Variants in ADAMTS4 observed in about 807,000 individuals in gnomAD.
ADAMTS4 encodes the protein A disintegrin and metalloproteinase with thrombospondin motifs 4.
ADAMTS4 carries 38 observed loss-of-function variants against 66.7 expected under a neutral mutation model. The observed-to-expected ratio is 0.57, with a 90% CI of 0.44 to 0.75. The LOEUF is 0.75. Ranked by LOEUF, ADAMTS4 falls within the 30% of genes least tolerant of loss-of-function variation. ADAMTS4 has a pLI of 0.00. For missense variants in ADAMTS4, 1,014 were observed against 1,116.7 expected, an observed-to-expected ratio of 0.91 and a Z score of 1.31; for synonymous variants, 418 against 461.5, an observed-to-expected ratio of 0.91 and a Z score of 1.21.
Position 161,194,351 on chromosome 1 carries a change from T to A in ADAMTS4, c.1262-130A>T. ...ACAATCCTAGGACTATAAGAGGATT[T>A]AAATTTTTGTTATTTATAATTTTTA... On this transcript the variant is annotated intron_variant, in intron 4 of 8. Coordinates refer to ENST00000367996, the MANE Select transcript of ADAMTS4 (RefSeq NM_005099.6). The surrounding 1 kb of genome is among the most constrained non-coding windows in gnomAD (Gnocchi z 4.1). The A allele has an allele frequency of 1.3e-6, 1 of 748,484 alleles. No individual in the cohort carries two copies. Among genetic ancestry groups the A allele is most frequent in the Non-Finnish European group, 2.0e-6 (1 of 495,938 alleles). 46.4% of individuals were successfully genotyped at this position (748,484 alleles called of 1,614,324 possible).
At position 161,198,722 on chromosome 1, in the gene ADAMTS4, G is replaced by C; in HGVS notation, c.-95C>G. ...GAAAGCTCCTCTCTGTAGCCTGGGG[G>C]CTTGGACTCCTGCCAAGGTCAGAGG... On this transcript the variant is annotated 5_prime_UTR_variant, in exon 1 of 9. Transcript: ENST00000367996. The surrounding 1 kb of genome is among the most constrained non-coding windows in gnomAD (Gnocchi z 4.7). 8.2e-7 allele frequency: 1 copy of C among 1,222,084 alleles called. No individual in the cohort carries two copies. The highest frequency in any genetic ancestry group is 1.1e-6 in the Non-Finnish European group (1 of 905,206). The allele number at this position is 1,222,084 out of a possible 1,614,324, so 75.7% of individuals were successfully genotyped here.
intron 3 of ADAMTS4, 34 bp from the exon 4 acceptor site, chr1:161,195,669 G>T (rs1664801139): frequency 6.3e-7 from 1 of 1,579,208 alleles, no homozygotes. Context: ...GGATCTGAGG[G>T]TCCCTTCCCC....
rs1169469545 is a variant in ADAMTS4 at position 161,188,908 on chromosome 1, A to ATATATATATATATATATATATATC, written c.*2229_*2230insGATATATATATATATATATATATA. 7.6e-6 allele frequency: 1 copy of ATATATATATATATATATATATATC among 131,866 alleles called. No homozygotes were observed. 8.2% of individuals were successfully genotyped at this position (131,866 alleles called of 1,614,324 possible). On this transcript the variant is annotated 3_prime_UTR_variant, in exon 9 of 9. Coordinates refer to ENST00000367996, the MANE Select transcript of ADAMTS4 (RefSeq NM_005099.6). ...AATATATATATATATATATATATAT[A>ATATATATATATATATATATATATC]TTTTGTATTTTTAGTAGACACGGGG... is the stretch of plus-strand genomic sequence containing the variant.
chr1:161,185,075 A>G lies in ADAMTS4; in HGVS notation c.*6063T>C, dbSNP rs1664517728. 1 of 151,094 alleles carries G rather than the reference A, an allele frequency of 6.6e-6. No homozygotes were observed. The highest frequency in any genetic ancestry group is 2.4e-5 in the African/African-American group (1 of 41,012). The allele number at this position is 151,094 out of a possible 1,614,324, so 9.4% of individuals were successfully genotyped here. On this transcript the variant is annotated 3_prime_UTR_variant, in exon 9 of 9. Coordinates refer to ENST00000367996, the MANE Select transcript of ADAMTS4 (RefSeq NM_005099.6). ...GGGGGGAGGGGGGAGGGATAGCATTAGGAGATATACCTAATGCTAAATGAT... is the reference window on the plus strand; with the variant it reads ...GGGGGGAGGGGGGAGGGATAGCATTGGGAGATATACCTAATGCTAAATGAT...
At position 161,196,767 on chromosome 1, in the gene ADAMTS4, T is replaced by C; in HGVS notation, c.747A>G (p.Ala249=). Residue 249 remains alanine, a synonymous_variant, in exon 2 of 9, where the codon GCA becomes GCG. Transcript: ENST00000367996. ...TGCTTGGGTGCTTGAAGGCCTTGGC[T>C]GCTGCTGCCATCACTGTTAGCAGGT... ...KRYLLTVMAA[A]AKAFKHPSIR... 6.2e-7 allele frequency: 1 copy of C among 1,613,192 alleles called. No homozygotes were observed. The highest frequency in any genetic ancestry group is 1.3e-5 in the African/African-American group (1 of 75,054).
At position 161,195,974 on chromosome 1, in the gene ADAMTS4, C is replaced by T. The variant is rs145704933; in HGVS notation, c.1090+197G>A. On this transcript the variant is annotated intron_variant, in intron 3 of 8. Coordinates refer to ENST00000367996, the MANE Select transcript of ADAMTS4 (RefSeq NM_005099.6). The stretch of plus-strand genomic sequence containing the variant: ...ACACACACACACACAGAGGAGTTCA[C>T]AGTAGTTTCGACCAACTAATTTATT... 1,743 of 619,960 alleles carry T rather than the reference C, an allele frequency of 2.8e-3. 5 individuals carry two copies. Among genetic ancestry groups the T allele is most frequent in the Admixed American group, 8.9e-3 (261 of 29,374 alleles). The allele number at this position is 619,960 out of a possible 1,614,324, so 38.4% of individuals were successfully genotyped here.
rs1664733720 is a variant in ADAMTS4, at chr1:161,193,572, C to T, written c.1735+68G>A. ...GGGAATCAACACCCCCTTGGTCTTGCACTCAAGGGACAGTCCTTCCTGCTC... is the reference window on the plus strand; with the variant it reads ...GGGAATCAACACCCCCTTGGTCTTGTACTCAAGGGACAGTCCTTCCTGCTC... On this transcript the variant is annotated intron_variant, in intron 6 of 8. Coordinates refer to ENST00000367996, the MANE Select transcript of ADAMTS4 (RefSeq NM_005099.6). The surrounding 1 kb of genome is among the most constrained non-coding windows in gnomAD (Gnocchi z 4.4). The T allele has an allele frequency of 6.5e-7, 1 of 1,543,080 alleles. No individual in the cohort carries two copies. Among genetic ancestry groups the T allele is most frequent in the Non-Finnish European group, 8.8e-7 (1 of 1,140,824 alleles).
chr1:161,191,109 G>A lies in ADAMTS4; in HGVS notation c.*29C>T. 1 of 1,515,986 alleles carries A rather than the reference G, an allele frequency of 6.6e-7. No individual in the cohort carries two copies. Among genetic ancestry groups the A allele is most frequent in the Non-Finnish European group, 8.8e-7 (1 of 1,132,494 alleles). 93.9% of individuals were successfully genotyped at this position (1,515,986 alleles called of 1,614,324 possible). A position where few individuals can be genotyped will look rare whatever the true frequency, so the allele number is the denominator to read the frequency against. On this transcript the variant is annotated 3_prime_UTR_variant, in exon 9 of 9. Transcript: ENST00000367996. ...TCCCAGCTAAGTCCGAGGCCCCGGT[G>A]CCCAGAAAGGGCAGCCGGGATAGTG...
At position 161,198,115 on chromosome 1, in the gene ADAMTS4, GT is replaced by G; in HGVS notation, c.512del (p.Asn171ThrfsTer46). 1.9e-6 allele frequency: 3 copies of G among 1,614,000 alleles called. No homozygotes were observed. In the South Asian group the frequency reaches 3.3e-5, roughly 18 times the overall value. ...HLQPLEGGTP[N>X]SAGGPGAHIL... ...TGTGAGCCCCAGGTCCCCCAGCAGA[GT>G]TAGGGGTGCCTCCCTCCAGGGGCTG... On this transcript the variant is annotated frameshift_variant, in exon 1 of 9. Coordinates refer to ENST00000367996, the MANE Select transcript of ADAMTS4 (RefSeq NM_005099.6). LOFTEE classifies it high-confidence loss of function. This position sits in a 1 kb window ranked among gnomAD's most constrained non-coding sequence, Gnocchi z 4.7.
chr1:161,192,619 G>A lies in ADAMTS4; in HGVS notation c.1912-379C>T, dbSNP rs139600387. Among the ~76,000 whole-genome samples the A allele has an allele frequency of 1.1e-4, 16 of 152,240 alleles. 1 individual carries two copies. The East Asian group carries it at 3.1e-3, about 29-fold the overall frequency. ...GCAAGCAGAGGAGCCAAGATGGGAAGTGCAGTCTGTCTGGTCCCAGCACCA... is the reference window on the plus strand; with the variant it reads ...GCAAGCAGAGGAGCCAAGATGGGAAATGCAGTCTGTCTGGTCCCAGCACCA... On this transcript the variant is annotated intron_variant, in intron 7 of 8. Coordinates refer to ENST00000367996, the MANE Select transcript of ADAMTS4 (RefSeq NM_005099.6).
chr1:161,195,822 C>T, intron 3 of ADAMTS4, 187 bp from the exon 4 acceptor site: 1 of 615,476 alleles, frequency 1.6e-6, no homozygotes, highest in South Asian at 2.3e-5. Flanking sequence ...TCTGTCTCCT[C>T]TTCCCCAAAA....
Position 161,184,512 on chromosome 1 carries a change from T to A in ADAMTS4, c.*6626A>T, listed in dbSNP as rs1195229059. 1 of 152,226 alleles carries A rather than the reference T, an allele frequency of 6.6e-6. No homozygotes were observed. Among genetic ancestry groups the A allele is most frequent in the Admixed American group, 6.5e-5 (1 of 15,284 alleles). 9.4% of individuals were successfully genotyped at this position (152,226 alleles called of 1,614,324 possible). A position where few individuals can be genotyped will look rare whatever the true frequency, so the allele number is the denominator to read the frequency against. On this transcript the variant is annotated 3_prime_UTR_variant, in exon 9 of 9. Transcript: ENST00000367996. ...GTAAGTAGCAAGGCTTAGATTCAAT[T>A]TGACTCCAAAAATCCATGTCCTTTC...
Position 161,193,135 on chromosome 1 carries a change from C to G in ADAMTS4, c.1911+78G>C. 2 of 1,468,688 alleles carry G rather than the reference C, an allele frequency of 1.4e-6. No individual in the cohort carries two copies. The highest frequency in any genetic ancestry group is 1.8e-6 in the Non-Finnish European group (2 of 1,095,044). 91.0% of individuals were successfully genotyped at this position (1,468,688 alleles called of 1,614,324 possible). Reference sequence around the variant, plus strand: ...TAGGAACAGGGTTACTTTGGGTGATCTTTGTTATCAGAAAGCAGAGGGAGC... The same window carrying G: ...TAGGAACAGGGTTACTTTGGGTGATGTTTGTTATCAGAAAGCAGAGGGAGC... On this transcript the variant is annotated intron_variant, in intron 7 of 8. Coordinates refer to ENST00000367996, the MANE Select transcript of ADAMTS4 (RefSeq NM_005099.6). The surrounding 1 kb of genome is among the most constrained non-coding windows in gnomAD (Gnocchi z 4.4).
Position 161,191,194 on chromosome 1 carries a change from G to C in ADAMTS4, c.2458C>G (p.Arg820Gly), listed in dbSNP as rs1478612729. ...AGGATCTCCAGAATCTGTGCTCTTCGGTGCAGCCAGTCCTGGGGAGTGGGG... is the reference window on the plus strand; with the variant it reads ...AGGATCTCCAGAATCTGTGCTCTTCCGTGCAGCCAGTCCTGGGGAGTGGGG... ...PRPTPQDWLH[R>G]RAQILEILRR... The change falls in exon 9 of 9, where the codon CGA (arginine) becomes GGA (glycine). Residue 820 changes from arginine (R) to glycine (G), a missense_variant. Physicochemically the swap from Arg to Gly is moderately radical, Grantham distance 125. Coordinates refer to ENST00000367996, the MANE Select transcript of ADAMTS4 (RefSeq NM_005099.6). 1 of 1,598,456 alleles carries C rather than the reference G, an allele frequency of 6.3e-7. No individual in the cohort carries two copies. The highest frequency in any genetic ancestry group is 1.1e-5 in the South Asian group (1 of 90,378).
Position 161,198,615 on chromosome 1 carries a change from C to T in ADAMTS4, c.13G>A (p.Gly5Ser). Reference protein sequence around the residue: MSQTGSHPGRGLAGR... With the variant: MSQTSSHPGRGLAGR... Reference sequence around the variant, plus strand: ...GCCAAGCCCCTCCCGGGATGCGAGCCTGTCTGGGACATGGCACTGGTACTG... The same window carrying T: ...GCCAAGCCCCTCCCGGGATGCGAGCTTGTCTGGGACATGGCACTGGTACTG... The change falls in exon 1 of 9, where the codon GGC (glycine) becomes AGC (serine). Residue 5 changes from glycine (G) to serine (S), a missense_variant. Coordinates refer to ENST00000367996, the MANE Select transcript of ADAMTS4 (RefSeq NM_005099.6). This position sits in a 1 kb window ranked among gnomAD's most constrained non-coding sequence, Gnocchi z 4.7. 6.6e-7 allele frequency: 1 copy of T among 1,523,400 alleles called. No homozygotes were observed. Among genetic ancestry groups the T allele is most frequent in the Admixed American group, 2.0e-5 (1 of 49,336 alleles). 94.4% of individuals were successfully genotyped at this position (1,523,400 alleles called of 1,614,324 possible).
At chr1:161,192,906 G>T (rs1419904707) in intron 7 of ADAMTS4, among the ~76,000 whole-genome samples, 1 of 152,192 alleles carries the variant, frequency 6.6e-6, no homozygotes, top group African/African-American at 2.4e-5. Flanking sequence ...TGGAAGAGGG[G>T]TGAAGGACTT....
chr1:161,196,117 C>T lies in ADAMTS4; in HGVS notation c.1090+54G>A, dbSNP rs953694680. On this transcript the variant is annotated intron_variant, in intron 3 of 8. Coordinates refer to ENST00000367996, the MANE Select transcript of ADAMTS4 (RefSeq NM_005099.6). ...CATTAACACTGTGGTGAACTTGCTA[C>T]CCCCTCCCCCACCTTCTCCTCCCTA... 17 of 1,521,730 alleles carry T rather than the reference C, an allele frequency of 1.1e-5. No individual in the cohort carries two copies. In the Admixed American group the frequency reaches 2.3e-4, roughly 20 times the overall value. 94.3% of individuals were successfully genotyped at this position (1,521,730 alleles called of 1,614,324 possible).
rs1487317791 is a variant in ADAMTS4 at position 161,198,519 on chromosome 1, G to A, written c.109C>T (p.Leu37=). ...PIVPLSWLVW[L]LLLLLASLLP... The stretch of plus-strand genomic sequence containing the variant: ...AGAGAGGCCAGCAGTAGCAGAAGCA[G>A]CCACACCAGCCAGGAGAGCGGCACA... The change falls in exon 1 of 9, where the codon CTG becomes TTG. Residue 37 remains leucine (L), a synonymous_variant. Coordinates refer to ENST00000367996, the MANE Select transcript of ADAMTS4 (RefSeq NM_005099.6). The surrounding 1 kb of genome is among the most constrained non-coding windows in gnomAD (Gnocchi z 4.7). 1 of 1,566,376 alleles carries A rather than the reference G, an allele frequency of 6.4e-7. No homozygotes were observed. The highest frequency in any genetic ancestry group is 1.2e-5 in the South Asian group (1 of 85,668).
At position 161,191,155 on chromosome 1, in the gene ADAMTS4, AG is replaced by A; in HGVS notation, c.2496del (p.Trp833GlyfsTer35). 1 of 1,559,542 alleles carries A rather than the reference AG, an allele frequency of 6.4e-7. No homozygotes were observed. The highest frequency in any genetic ancestry group is 8.7e-7 in the Non-Finnish European group (1 of 1,147,484). On this transcript the variant is annotated frameshift_variant, in exon 9 of 9. Coordinates refer to ENST00000367996, the MANE Select transcript of ADAMTS4 (RefSeq NM_005099.6). LOFTEE classifies it high-confidence loss of function. ...AQILEILRRR[P>X]WAGRK ...TAGTGAGGTTATTTCCTGCCCGCCC[AG>A]GGGCGCCGCCGAAGGATCTCCAGAA... is the stretch of plus-strand genomic sequence containing the variant.
Sources: allele counts gnomAD v4.1 joint callset (sites outside exome capture counted in the v4.1 genomes callset), GRCh38; gene constraint gnomAD v4.1.1; non-coding constraint Gnocchi (gnomAD v3.1); transcripts MANE v1.5; gene names NCBI Gene and HGNC (gene_info 2026-07-23, HGNC 2026-07-21).